LRRC75A: variants seen among roughly 807,000 people sequenced by gnomAD.
The protein encoded by LRRC75A is leucine rich repeat containing 75A, also known as leucine-rich repeat-containing protein 75A.
In LRRC75A, 12 loss-of-function variants were observed where a neutral mutation model predicts 26.0. The ratio of observed to expected loss-of-function variants is 0.46; its 90% CI spans 0.30 to 0.75. The LOEUF is 0.75. LRRC75A is among the 30% of genes least tolerant of loss of function. LRRC75A has a pLI of 0.08. For missense variants in LRRC75A, 410 were observed against 486.6 expected (o/e 0.84, Z 1.48); for synonymous variants, 223 against 219.3 (o/e 1.02, Z -0.15).
At chr17:16,489,096 G>A (rs968327101) in intron 1 of LRRC75A, among the ~76,000 whole-genome samples, 3 of 152,158 alleles carry the variant, frequency 2.0e-5, no homozygotes, top group African/African-American at 7.2e-5. Context: ...GCATTTGCCT[G>A]GGAAGATTGT....
Position 16,454,260 on chromosome 17 carries a change from C to T in LRRC75A, c.376-6300G>A, listed in dbSNP as rs539033582. On this transcript the variant is annotated intron_variant, in intron 2 of 3. Transcript: ENST00000470794. ...ACAAAAAATTAGCTAGGCATGGTGG[C>T]GGGCACCTGTAGTCCCAGCTACTTG... Among the ~76,000 whole-genome samples, 39 of 152,048 alleles carry T rather than the reference C, an allele frequency of 2.6e-4. No individual in the cohort carries two copies. In the East Asian group the frequency reaches 6.4e-3, roughly 25 times the overall value.
At chr17:16,452,299 G>A (rs2093639256) in intron 2 of LRRC75A, among the ~76,000 whole-genome samples, 1 of 151,048 alleles carries the variant, frequency 6.6e-6, no homozygotes, top group Admixed American at 6.6e-5. Flanking sequence ...AGGCTGCAGT[G>A]AGCCGTGATC....
At chr17:16,449,809 G>T (rs956702662) in intron 2 of LRRC75A, among the ~76,000 whole-genome samples, 1 of 152,100 alleles carries the variant, frequency 6.6e-6, no homozygotes, top group Non-Finnish European at 1.5e-5. Context: ...TAGAGATGGG[G>T]TTTCACCATG....
chr17:16,474,183 G>A (rs1027964371), intron 1 of LRRC75A, among the ~76,000 whole-genome samples: 2 of 151,996 alleles, frequency 1.3e-5, no homozygotes, highest in Admixed American at 6.6e-5. Context: ...GGGGACAGAC[G>A]TGGGTTAGAT....
At chr17:16,449,293 A>C (rs781379445) in intron 2 of LRRC75A, among the ~76,000 whole-genome samples, 4 of 152,216 alleles carry the variant, frequency 2.6e-5, no homozygotes, top group Non-Finnish European at 5.9e-5. Flanking sequence ...TGAGTAGTGA[A>C]GAGCAAAGAC....
chr17:16,464,732 A>G (rs11658070), intron 1 of LRRC75A, among the ~76,000 whole-genome samples: 84,493 of 152,164 alleles, frequency 0.56, 24,762 homozygotes, highest in Non-Finnish European at 0.65. Context: ...CAGAGTCCAC[A>G]CTGGCCTCAT....
At chr17:16,449,027 T>G (rs2093609723) in intron 2 of LRRC75A, among the ~76,000 whole-genome samples, 1 of 152,216 alleles carries the variant, frequency 6.6e-6, no homozygotes, top group Non-Finnish European at 1.5e-5. Context: ...GGTGAGGGCA[T>G]GAGTCCCTCC....
At chr17:16,471,606 G>A (rs2093806252) in intron 1 of LRRC75A, among the ~76,000 whole-genome samples, 1 of 152,196 alleles carries the variant, frequency 6.6e-6, no homozygotes, top group Admixed American at 6.5e-5. Flanking sequence ...AAGCCTCTGT[G>A]GGTACACTCT....
intron 3 of LRRC75A, chr17:16,446,900 T>G (rs1214496576): frequency 2.7e-5 from 10 of 365,334 alleles, no homozygotes; most frequent in Non-Finnish European, 5.3e-5. Flanking sequence ...CACCTGGGAA[T>G]GCGCCTCTCC....
intron 2 of LRRC75A, among the ~76,000 whole-genome samples, chr17:16,457,088 G>C (rs1021239817): frequency 1.3e-5 from 2 of 151,086 alleles, no homozygotes; most frequent in Non-Finnish European, 3.0e-5. Context: ...ACCAGCACCC[G>C]ACACTGCTCT....
chr17:16,460,309 A>C (rs1601143963), intron 2 of LRRC75A, among the ~76,000 whole-genome samples: 1 of 152,226 alleles, frequency 6.6e-6, no homozygotes, highest in African/African-American at 2.4e-5. Flanking sequence ...GGACCACAAC[A>C]ACCCAGGTAT....
At position 16,443,339 on chromosome 17, in the gene LRRC75A, T is replaced by C. The variant is rs1023942860; in HGVS notation, c.*249A>G. The C allele has an allele frequency of 2.3e-5, 11 of 483,416 alleles. No homozygotes were observed. Among genetic ancestry groups the C allele is most frequent in the Non-Finnish European group, 4.0e-5 (11 of 273,140 alleles). 29.9% of individuals were successfully genotyped at this position (483,416 alleles called of 1,614,324 possible). A position where few individuals can be genotyped will look rare whatever the true frequency, so the allele number is the denominator to read the frequency against. On this transcript the variant is annotated 3_prime_UTR_variant, in exon 4 of 4. Coordinates refer to ENST00000470794, the MANE Select transcript of LRRC75A (RefSeq NM_001113567.3). ...GCCATGAGCTGAGCTGAGAGGGTTC[T>C]CTGGGGCCTGGGATGACTTAAGAAC...
intron 1 of LRRC75A, among the ~76,000 whole-genome samples, chr17:16,465,558 AGCCCTG>A (rs2093761420): frequency 6.6e-6 from 1 of 152,218 alleles, no homozygotes; most frequent in African/African-American, 2.4e-5. Context: ...AAAGCTTGAA[AGCCCTG>A]GACCAGATGA....
chr17:16,492,073 G>A lies in LRRC75A; in HGVS notation c.-83C>T. ...CCGCCCGCCCCTCGGCCGCCCGTGC[G>A]CGCTCGCCTCCCGGGCTGCAACTTT... On this transcript the variant is annotated 5_prime_UTR_variant, in exon 1 of 4. Transcript: ENST00000470794. The A allele has an allele frequency of 9.5e-7, 1 of 1,051,000 alleles. No homozygotes were observed. The highest frequency in any genetic ancestry group is 1.1e-6 in the Non-Finnish European group (1 of 873,498). 65.1% of individuals were successfully genotyped at this position (1,051,000 alleles called of 1,614,324 possible).
Position 16,483,736 on chromosome 17 carries a change from C to T in LRRC75A, c.246+8009G>A, listed in dbSNP as rs1002908490. On this transcript the variant is annotated intron_variant, in intron 1 of 3. Transcript: ENST00000470794. ...GCTCCTGGCTCCCAGTGAAGCCAGC[C>T]TCCCTTCTGTGCCACGCTGCGCACC... 1.8e-4 allele frequency among the ~76,000 whole-genome samples: 28 copies of T among 152,262 alleles called. No individual in the cohort carries two copies. The Middle Eastern group carries it at 0.01, about 55-fold the overall frequency.
At chr17:16,485,749 G>T (rs991951662) in intron 1 of LRRC75A, among the ~76,000 whole-genome samples, 1 of 152,100 alleles carries the variant, frequency 6.6e-6, no homozygotes, top group African/African-American at 2.4e-5. Context: ...ACTGCTCTTG[G>T]TGGGGAAGGG....
chr17:16,460,668 G>A (rs1418730766), intron 2 of LRRC75A, among the ~76,000 whole-genome samples: 1 of 152,254 alleles, frequency 6.6e-6, no homozygotes, highest in Non-Finnish European at 1.5e-5. Context: ...TCTCCTCGGA[G>A]GTGTAACCTT....
chr17:16,459,496 G>A (rs540364858), intron 2 of LRRC75A, among the ~76,000 whole-genome samples: 7 of 152,312 alleles, frequency 4.6e-5, no homozygotes, highest in African/African-American at 1.7e-4. Context: ...GGAGGCCCAC[G>A]TGCTAGAGCA....
At chr17:16,454,138 C>T (rs1399676831) in intron 2 of LRRC75A, among the ~76,000 whole-genome samples, 2 of 152,204 alleles carry the variant, frequency 1.3e-5, no homozygotes, top group Admixed American at 6.5e-5. Flanking sequence ...CGCCTGTAAT[C>T]CCAGCACTTT....
Sources: gnomAD v4.1 joint callset for allele counts (sites outside exome capture counted in the v4.1 genomes callset) on GRCh38, gnomAD v4.1.1 for gene constraint, MANE v1.5 for transcripts, NCBI Gene and HGNC (gene_info 2026-07-23, HGNC 2026-07-21) for gene names.